The following DNAJC5B variants were observed in gnomAD, a reference collection of about 807,000 sequenced individuals.
DNAJC5B encodes DnaJ heat shock protein family (Hsp40) member C5 beta.
Under a neutral mutation model 24.7 loss-of-function variants are expected in DNAJC5B, and 23 were observed. The ratio of observed to expected loss-of-function variants is 0.93; its 90% CI spans 0.67 to 1.32. DNAJC5B has a LOEUF of 1.32. Among genes scored for constraint, DNAJC5B ranks in the 40% most tolerant of loss-of-function variants. The pLI, the probability that DNAJC5B is intolerant of heterozygous loss-of-function variation, is 0.00. For missense variants in DNAJC5B, 238 were observed against 240.8 expected, an observed-to-expected ratio of 0.99 and a Z score of 0.08; for synonymous variants, 101 against 90.1, an observed-to-expected ratio of 1.12 and a Z score of -0.68.
chr8:66,023,738 T>A (rs1300024748), intron 1 of DNAJC5B, among the ~76,000 whole-genome samples: 1 of 152,178 alleles, frequency 6.6e-6, no homozygotes, highest in Admixed American at 6.5e-5. Flanking sequence ...ACCTAATATA[T>A]CTTCTATATG....
intron 3 of DNAJC5B, among the ~76,000 whole-genome samples, chr8:66,070,275 G>C (rs557086290): frequency 6.6e-6 from 1 of 152,310 alleles, no homozygotes; most frequent in African/African-American, 2.4e-5. Context: ...AATTGTCTCT[G>C]TTTGCAGTTG....
At chr8:66,034,940 C>G (rs557437748) in intron 1 of DNAJC5B, among the ~76,000 whole-genome samples, 1 of 152,270 alleles carries the variant, frequency 6.6e-6, no homozygotes, top group Admixed American at 6.5e-5. Flanking sequence ...CATAGATAAC[C>G]AAAAGTTGTT....
intron 5 of DNAJC5B, among the ~76,000 whole-genome samples, chr8:66,086,522 A>G (rs78863663): frequency 8.0e-4 from 122 of 152,294 alleles, no homozygotes; most frequent in East Asian, 7.9e-3. Context: ...CTACCTTTAC[A>G]TTTACATTAA....
chr8:66,072,691 A>G (rs910066489), intron 3 of DNAJC5B, among the ~76,000 whole-genome samples: 4 of 152,196 alleles, frequency 2.6e-5, no homozygotes, highest in Non-Finnish European at 4.4e-5. Context: ...TAAAATATCT[A>G]TAATTCAGTG....
chr8:66,027,975 T>A (rs973727976), intron 1 of DNAJC5B, among the ~76,000 whole-genome samples: 2 of 152,200 alleles, frequency 1.3e-5, no homozygotes, highest in Non-Finnish European at 2.9e-5. Context: ...AAGAATTTAG[T>A]TGAGACAAGA....
At chr8:66,049,576 T>C (rs1426476420) in intron 2 of DNAJC5B, among the ~76,000 whole-genome samples, 3 of 152,218 alleles carry the variant, frequency 2.0e-5, no homozygotes, top group Non-Finnish European at 2.9e-5. Flanking sequence ...TTATCTAGGT[T>C]TGTGTAAATA....
At chr8:66,093,438 G>A (rs1281400906) in intron 5 of DNAJC5B, among the ~76,000 whole-genome samples, 1 of 152,084 alleles carries the variant, frequency 6.6e-6, no homozygotes, top group Non-Finnish European at 1.5e-5. Context: ...CAATCTAGTA[G>A]GTGGGAAATG....
intron 4 of DNAJC5B, 51 bp downstream of exon 4, chr8:66,076,924 A>T: frequency 6.3e-7 from 1 of 1,594,602 alleles, no homozygotes. Flanking sequence ...CATGATATTA[A>T]TCACTCTTTT....
chr8:66,054,788 C>T (rs1048235549), intron 3 of DNAJC5B, among the ~76,000 whole-genome samples: 10 of 152,146 alleles, frequency 6.6e-5, no homozygotes, highest in Non-Finnish European at 1.0e-4. Flanking sequence ...TCCAGAGGCG[C>T]GTGCCTGGGA....
intron 5 of DNAJC5B, among the ~76,000 whole-genome samples, chr8:66,095,705 C>T (rs978273051): frequency 9.6e-5 from 14 of 145,856 alleles, no homozygotes; most frequent in Non-Finnish European, 1.5e-4. Context: ...ATACAATGTT[C>T]TTATATTGTT....
rs190303882 is a variant in DNAJC5B at position 66,058,849 on chromosome 8, C to T, written c.119+7183C>T. On this transcript the variant is annotated intron_variant, in intron 3 of 5. Transcript: ENST00000276570. Reference sequence around the variant, plus strand: ...GAAGGCTTTTACTGTGCCAATCCATCAGGTATTGAAGCTCTTGCCTTATTG... The same window carrying T: ...GAAGGCTTTTACTGTGCCAATCCATTAGGTATTGAAGCTCTTGCCTTATTG... 5.9e-3 allele frequency among the ~76,000 whole-genome samples: 898 copies of T among 152,296 alleles called. 6 individuals are homozygous for T. Among genetic ancestry groups the T allele is most frequent in the Middle Eastern group, 0.017 (5 of 294 alleles).
intron 3 of DNAJC5B, among the ~76,000 whole-genome samples, chr8:66,069,296 G>A (rs1807294207): frequency 6.6e-6 from 1 of 151,886 alleles, no homozygotes; most frequent in African/African-American, 2.4e-5. Flanking sequence ...ATAAAAAACT[G>A]ACATCATATG....
intron 5 of DNAJC5B, among the ~76,000 whole-genome samples, chr8:66,091,556 T>A (rs1807847651): frequency 6.6e-6 from 1 of 152,158 alleles, no homozygotes; most frequent in Non-Finnish European, 1.5e-5. Flanking sequence ...CATATTGGGC[T>A]GTTCTATTGA....
At position 66,087,045 on chromosome 8, in the gene DNAJC5B, T is replaced by C. The variant is rs147919788; in HGVS notation, c.505+6497T>C. Among the ~76,000 whole-genome samples the C allele has an allele frequency of 7.9e-5, 12 of 152,296 alleles. No homozygotes were observed. The East Asian group carries it at 2.3e-3, about 29-fold the overall frequency. On this transcript the variant is annotated intron_variant, in intron 5 of 5. Transcript: ENST00000276570. ...TTATGATTTGAATTCAGTTACTGTA[T>C]TAGTCTGTTTTCACACTGTTATAAA...
intron 2 of DNAJC5B, among the ~76,000 whole-genome samples, chr8:66,047,098 T>C (rs1010302557): frequency 9.9e-5 from 15 of 152,186 alleles, no homozygotes; most frequent in Non-Finnish European, 2.1e-4. Flanking sequence ...TGCATTCTCT[T>C]CCTTGAGGAA....
intron 5 of DNAJC5B, among the ~76,000 whole-genome samples, chr8:66,089,564 G>T (rs1807801078): frequency 6.6e-6 from 1 of 151,926 alleles, no homozygotes; most frequent in Admixed American, 6.6e-5. Context: ...ACTTTTTCTT[G>T]CATATTTATT....
chr8:66,016,990 AT>A (rs544341922), upstream of DNAJC5B, among the ~76,000 whole-genome samples: 1,567 of 145,190 alleles, frequency 0.011, 21 homozygotes, highest in African/African-American at 0.028. Context: ...GTCAAATATA[AT>A]TTTTTTTTTT....
At chr8:66,015,180 A>T in the DNAJC5B span, among the ~76,000 whole-genome samples, 2 of 152,342 alleles carry the variant, frequency 1.3e-5, no homozygotes, top group South Asian at 4.1e-4. Flanking sequence ...GAGAAAGATC[A>T]CATTAAAATG....
chr8:66,070,372 A>G (rs1045744224), intron 3 of DNAJC5B, among the ~76,000 whole-genome samples: 2 of 152,240 alleles, frequency 1.3e-5, no homozygotes, highest in African/African-American at 4.8e-5. Context: ...CTCAGGATAC[A>G]AAATCAATCT....
Sources: gnomAD v4.1 joint callset for allele counts (sites outside exome capture counted in the v4.1 genomes callset) on GRCh38, gnomAD v4.1.1 for gene constraint, MANE v1.5 for transcripts, NCBI Gene and HGNC (gene_info 2026-07-23, HGNC 2026-07-21) for gene names.